Variants in NRXN3 observed in about 807,000 individuals in gnomAD.
NRXN3 encodes neurexin III.
In NRXN3, 32 loss-of-function variants were observed where a neutral mutation model predicts 137.6. The observed-to-expected ratio is 0.23, with a 90% CI of 0.18 to 0.31. The LOEUF is 0.31. Among genes scored for constraint, NRXN3 ranks in the 10% least tolerant of loss-of-function variants. NRXN3 has a pLI of 1.00. For missense variants in NRXN3, 1,574 were observed against 2,062.5 expected (o/e 0.76, Z 4.59); for synonymous variants, 798 against 784.5 (o/e 1.02, Z -0.29).
chr14:78,447,710 G>A (rs1369924661), intron 4 of NRXN3, among the ~76,000 whole-genome samples: 1 of 152,156 alleles, frequency 6.6e-6, no homozygotes, highest in East Asian at 1.9e-4. Flanking sequence ...CTCCCTTTTT[G>A]AGTTAATCAT....
At chr14:79,205,793 G>C (rs2066701624) in intron 15 of NRXN3, among the ~76,000 whole-genome samples, 1 of 152,134 alleles carries the variant, frequency 6.6e-6, no homozygotes, top group African/African-American at 2.4e-5. Context: ...CATGCAGAGG[G>C]ATATATAGAT....
chr14:78,896,901 G>C (rs914687915), intron 10 of NRXN3, among the ~76,000 whole-genome samples: 10 of 151,824 alleles, frequency 6.6e-5, no homozygotes, highest in Admixed American at 2.0e-4. Flanking sequence ...TTGGTGACAG[G>C]GGATTCAATT....
chr14:79,457,878 T>A (rs993616641), intron 15 of NRXN3, among the ~76,000 whole-genome samples: 3 of 152,176 alleles, frequency 2.0e-5, no homozygotes, highest in Non-Finnish European at 2.9e-5. Context: ...ATGTGTATGT[T>A]CCAAACTTCT....
chr14:78,781,994 C>T (rs2098771580), intron 8 of NRXN3, among the ~76,000 whole-genome samples: 1 of 152,170 alleles, frequency 6.6e-6, no homozygotes, highest in Admixed American at 6.5e-5. Flanking sequence ...CGTTGGAAAC[C>T]TCTCCTTAAG....
chr14:79,198,611 T>C (rs2065462133), intron 15 of NRXN3, among the ~76,000 whole-genome samples: 1 of 152,220 alleles, frequency 6.6e-6, no homozygotes, highest in Admixed American at 6.5e-5. Flanking sequence ...GCAATATTCC[T>C]AGAATAAGCA....
intron 16 of NRXN3, among the ~76,000 whole-genome samples, chr14:79,511,353 C>A (rs1199426074): frequency 6.6e-6 from 1 of 152,130 alleles, no homozygotes; most frequent in African/African-American, 2.4e-5. Context: ...TCTGAGAGAG[C>A]CAAGGGAAGG....
At chr14:79,743,625 A>C (rs1298836371) in intron 19 of NRXN3, among the ~76,000 whole-genome samples, 1 of 152,162 alleles carries the variant, frequency 6.6e-6, no homozygotes. Flanking sequence ...TACTTTGAGA[A>C]ACACTTTTTT....
At chr14:79,713,088 A>G (rs190100788) in intron 19 of NRXN3, among the ~76,000 whole-genome samples, 22 of 151,264 alleles carry the variant, frequency 1.5e-4, no homozygotes, top group East Asian at 7.8e-4. Context: ...CATCCGTCCA[A>G]TGTTTTTGGG....
chr14:79,519,379 T>C (rs2097033963), intron 16 of NRXN3, among the ~76,000 whole-genome samples: 1 of 152,132 alleles, frequency 6.6e-6, no homozygotes, highest in Non-Finnish European at 1.5e-5. Context: ...ATATTAATTT[T>C]ACCACTTTTG....
At chr14:78,471,269 C>G (rs2095260863) in intron 4 of NRXN3, among the ~76,000 whole-genome samples, 1 of 149,006 alleles carries the variant, frequency 6.7e-6, no homozygotes, top group African/African-American at 2.5e-5. Context: ...TCTTTCTTCC[C>G]TTTCTTCTCT....
chr14:79,616,675 A>G (rs528717055), intron 16 of NRXN3, among the ~76,000 whole-genome samples: 45 of 152,274 alleles, frequency 3.0e-4, no homozygotes, highest in African/African-American at 1.0e-3. Context: ...AAGTTTAAAA[A>G]AATAGAATGA....
intron 4 of NRXN3, among the ~76,000 whole-genome samples, chr14:78,591,258 T>C (rs550123238): frequency 1.1e-4 from 17 of 152,290 alleles, no homozygotes; most frequent in African/African-American, 4.1e-4. Flanking sequence ...CAGTGTTGGG[T>C]AGAGCAATGC....
intron 19 of NRXN3, among the ~76,000 whole-genome samples, chr14:79,773,073 A>G (rs1368301037): frequency 3.9e-5 from 6 of 152,176 alleles, no homozygotes; most frequent in Non-Finnish European, 8.8e-5. Flanking sequence ...CAAAACCACA[A>G]TGAGATACCA....
At chr14:78,432,556 G>A (rs577881060) in intron 4 of NRXN3, among the ~76,000 whole-genome samples, 2 of 152,344 alleles carry the variant, frequency 1.3e-5, no homozygotes, top group Admixed American at 1.3e-4. Context: ...TTTCTTTCCA[G>A]CAGGTGAGAA....
intron 15 of NRXN3, among the ~76,000 whole-genome samples, chr14:79,172,447 A>G (rs1330290596): frequency 6.6e-6 from 1 of 152,148 alleles, no homozygotes; most frequent in East Asian, 1.9e-4. Flanking sequence ...GAAAGGATGG[A>G]AGGTACGAAG....
intron 20 of NRXN3, among the ~76,000 whole-genome samples, chr14:79,836,984 C>T (rs575394797): frequency 6.6e-6 from 1 of 152,102 alleles, no homozygotes; most frequent in Admixed American, 6.6e-5. Context: ...GCTCAATATT[C>T]CATGTGTCCA....
intron 8 of NRXN3, among the ~76,000 whole-genome samples, chr14:78,785,999 A>C (rs1411015636): frequency 1.3e-5 from 2 of 152,202 alleles, no homozygotes; most frequent in African/African-American, 2.4e-5. Flanking sequence ...CCTGCTGACT[A>C]GTTGTTCTTT....
intron 15 of NRXN3, among the ~76,000 whole-genome samples, chr14:79,138,190 C>G (rs917506531): frequency 2.0e-5 from 3 of 152,314 alleles, no homozygotes; most frequent in African/African-American, 7.2e-5. Context: ...GGGTTTTGCT[C>G]TGTCACCCAG....
At chr14:78,874,146 A>G (rs2099108099) in intron 10 of NRXN3, among the ~76,000 whole-genome samples, 2 of 151,762 alleles carry the variant, frequency 1.3e-5, no homozygotes, top group South Asian at 2.1e-4. Context: ...TAATTTTTGT[A>G]TTTTTAGTAG....
Sources: allele counts gnomAD v4.1 joint callset (sites outside exome capture counted in the v4.1 genomes callset), GRCh38; gene constraint gnomAD v4.1.1; transcripts MANE v1.5; gene names NCBI Gene and HGNC (gene_info 2026-07-23, HGNC 2026-07-21).